SBF2: variants seen among roughly 807,000 people sequenced by gnomAD.
SBF2 encodes SET binding factor 2.
SBF2 carries 112 observed loss-of-function variants against 225.2 expected under a neutral mutation model. The ratio of observed to expected loss-of-function variants is 0.50; its 90% CI spans 0.43 to 0.58. The LOEUF (loss-of-function observed/expected upper bound fraction) is 0.58. SBF2 is among the 20% of genes least tolerant of loss of function. The pLI is 0.00. For missense variants in SBF2, 1,996 were observed against 2,206.2 expected (o/e 0.90, Z 1.91); for synonymous variants, 763 against 773.3 (o/e 0.99, Z 0.22).
At chr11:10,150,383 G>A (rs945619135) in intron 2 of SBF2, among the ~76,000 whole-genome samples, 3 of 151,998 alleles carry the variant, frequency 2.0e-5, no homozygotes, top group East Asian at 3.8e-4. Context: ...TTTCAGGGGC[G>A]AAACACTATT....
chr11:10,262,239 A>G (rs1002450622), intron 1 of SBF2, among the ~76,000 whole-genome samples: 1 of 152,206 alleles, frequency 6.6e-6, no homozygotes, highest in African/African-American at 2.4e-5. Flanking sequence ...AGGAATCAAC[A>G]GATGGAGTAA....
At chr11:10,125,108 CAA>C (rs374673085) in intron 2 of SBF2, among the ~76,000 whole-genome samples, 7 of 102,438 alleles carry the variant, frequency 6.8e-5, no homozygotes, top group Admixed American at 1.1e-4. Context: ...GACTGTGTCT[CAA>C]AAAAAAAAAA....
rs573054529 is a variant in SBF2, at chr11:10,031,193, C to A, written c.280-23G>T. On this transcript the variant is annotated intron_variant, in intron 3 of 39. Transcript: ENST00000256190. ...TCCCTAGAAAAAGAGACACTGAAATCAACAAACAGAAGGGATTTCCTAGGT... is the reference window on the plus strand; with the variant it reads ...TCCCTAGAAAAAGAGACACTGAAATAAACAAACAGAAGGGATTTCCTAGGT... 18 of 1,611,972 alleles carry A rather than the reference C, an allele frequency of 1.1e-5. No homozygotes were observed. The East Asian group carries it at 3.4e-4, about 30-fold the overall frequency.
chr11:10,139,341 A>G (rs941251586), intron 2 of SBF2, among the ~76,000 whole-genome samples: 1 of 152,142 alleles, frequency 6.6e-6, no homozygotes, highest in Non-Finnish European at 1.5e-5. Context: ...CTTGTGTTAG[A>G]TCACCGCCAT....
intron 2 of SBF2, among the ~76,000 whole-genome samples, chr11:10,154,700 G>T (rs1319695325): frequency 6.6e-6 from 1 of 152,102 alleles, no homozygotes; most frequent in African/African-American, 2.4e-5. Context: ...AATGCTGTAT[G>T]TTTTTTATGT....
intron 1 of SBF2, among the ~76,000 whole-genome samples, chr11:10,265,498 G>T (rs112788243): frequency 1.8e-5 from 2 of 111,614 alleles, no homozygotes; most frequent in South Asian, 7.5e-4. Flanking sequence ...GAAATCGGGG[G>T]GGGGGAGAGG....
At chr11:9,846,709 G>C (rs1417922894) in intron 23 of SBF2, among the ~76,000 whole-genome samples, 1 of 152,170 alleles carries the variant, frequency 6.6e-6, no homozygotes, top group African/African-American at 2.4e-5. Context: ...AATCGTACTT[G>C]TCTAAGTTTC....
chr11:10,159,982 T>C (rs951820512), intron 2 of SBF2, among the ~76,000 whole-genome samples: 3 of 152,110 alleles, frequency 2.0e-5, no homozygotes, highest in Non-Finnish European at 2.9e-5. Flanking sequence ...TGTGTGTGAA[T>C]TGCACTTTCT....
At chr11:10,003,039 T>C (rs942766171) in intron 6 of SBF2, among the ~76,000 whole-genome samples, 4 of 152,248 alleles carry the variant, frequency 2.6e-5, no homozygotes, top group African/African-American at 7.2e-5. Flanking sequence ...CTGACGTTAA[T>C]AATACCACAC....
At chr11:9,909,544 C>G (rs1301575741) in intron 16 of SBF2, among the ~76,000 whole-genome samples, 1 of 151,916 alleles carries the variant, frequency 6.6e-6, no homozygotes. Context: ...GTGGCGGGCA[C>G]CTGTAGTCCC....
chr11:9,839,387 T>A, intron 26 of SBF2, 111 bp downstream of exon 26: 6 of 1,093,872 alleles, frequency 5.5e-6, no homozygotes, highest in Non-Finnish European at 8.4e-6. Flanking sequence ...CTTGTTCTTA[T>A]TTTCAGGCAT....
chr11:10,280,019 A>G (rs1462158540), intron 1 of SBF2, among the ~76,000 whole-genome samples: 2 of 152,230 alleles, frequency 1.3e-5, no homozygotes, highest in African/African-American at 4.8e-5. Context: ...AATGTTTGGC[A>G]TCAGAATTGT....
intron 1 of SBF2, among the ~76,000 whole-genome samples, chr11:10,206,015 G>A (rs1047257769): frequency 1.3e-5 from 2 of 151,832 alleles, no homozygotes; most frequent in Non-Finnish European, 2.9e-5. Flanking sequence ...TCTGGCCCAG[G>A]TAGTCTCTTT....
chr11:10,088,225 A>G (rs896057742), intron 2 of SBF2, among the ~76,000 whole-genome samples: 3 of 151,732 alleles, frequency 2.0e-5, no homozygotes, highest in African/African-American at 7.3e-5. Context: ...AGGTTTTGCC[A>G]TGTTGCCCAG....
At chr11:10,225,870 C>T (rs550074649) in intron 1 of SBF2, among the ~76,000 whole-genome samples, 1 of 152,050 alleles carries the variant, frequency 6.6e-6, no homozygotes, top group Non-Finnish European at 1.5e-5. Context: ...GAAAAAAGCA[C>T]TCATATACCC....
intron 6 of SBF2, among the ~76,000 whole-genome samples, chr11:10,003,767 C>G (rs542685497): frequency 6.6e-6 from 1 of 151,770 alleles, no homozygotes; most frequent in Non-Finnish European, 1.5e-5. Flanking sequence ...AACTCTTTTT[C>G]TATTTTTTTA....
In SBF2 at chr11:10,061,727, T is replaced by C. The variant is rs1404086752; in HGVS notation, c.142-18746A>G. On this transcript the variant is annotated intron_variant, in intron 2 of 39. Transcript: ENST00000256190. ...CAAATGGAAAAACATCCCATGCTCA[T>C]GTATAGGAAGAATCAATATCATTAA... is the stretch of plus-strand genomic sequence containing the variant. Among the ~76,000 whole-genome samples the C allele has an allele frequency of 2.0e-5, 3 of 152,214 alleles. No homozygotes were observed. In the East Asian group the frequency reaches 5.8e-4, roughly 29 times the overall value.
chr11:9,815,037 T>C (rs948419463), intron 29 of SBF2, among the ~76,000 whole-genome samples: 1 of 152,168 alleles, frequency 6.6e-6, no homozygotes, highest in African/African-American at 2.4e-5. Flanking sequence ...ATCAGACAGA[T>C]ACAGAGCCAT....
Position 9,779,689 on chromosome 11 carries a change from A to G in SBF2, c.*729T>C, listed in dbSNP as rs953160483. On this transcript the variant is annotated 3_prime_UTR_variant, in exon 40 of 40. Transcript: ENST00000256190. ...GAAGCTGTCAGGAAGCAGAAGATACATAAGAACACAAGGCCCTGGATCCTC... is the reference window on the plus strand; with the variant it reads ...GAAGCTGTCAGGAAGCAGAAGATACGTAAGAACACAAGGCCCTGGATCCTC... 2.0e-5 allele frequency: 3 copies of G among 152,930 alleles called. No homozygotes were observed. The highest frequency in any genetic ancestry group is 7.2e-5 in the African/African-American group (3 of 41,456). 9.5% of individuals were successfully genotyped at this position (152,930 alleles called of 1,614,324 possible). A position where few individuals can be genotyped will look rare whatever the true frequency, so the allele number is the denominator to read the frequency against.
Sources: gnomAD v4.1 joint callset for allele counts (sites outside exome capture counted in the v4.1 genomes callset) on GRCh38, gnomAD v4.1.1 for gene constraint, MANE v1.5 for transcripts, NCBI Gene and HGNC (gene_info 2026-07-23, HGNC 2026-07-21) for gene names.